Variants in MTMR3 observed in about 807,000 individuals in gnomAD.
The protein encoded by MTMR3 is phosphatidylinositol-3,5-bisphosphate 3-phosphatase MTMR3.
In MTMR3, 32 loss-of-function variants were observed where a neutral mutation model predicts 132.4. The observed-to-expected ratio is 0.24, with a 90% CI of 0.18 to 0.32. The LOEUF (loss-of-function observed/expected upper bound fraction) is 0.32, where lower values mean the gene tolerates loss of function less well. Ranked by LOEUF, MTMR3 falls within the 10% of genes least tolerant of loss-of-function variation. The pLI is 1.00. For missense variants in MTMR3, 1,216 were observed against 1,489.6 expected (o/e 0.82, Z 3.02); for synonymous variants, 556 against 550.3 (o/e 1.01, Z -0.14).
At chr22:29,969,278 G>C (rs919224657) in intron 2 of MTMR3, among the ~76,000 whole-genome samples, 1 of 152,100 alleles carries the variant, frequency 6.6e-6, no homozygotes, top group Non-Finnish European at 1.5e-5. Context: ...CCTTGCTTCC[G>C]GTTGCTGACA....
chr22:29,944,333 T>C (rs2065914716), intron 1 of MTMR3, among the ~76,000 whole-genome samples: 1 of 152,010 alleles, frequency 6.6e-6, no homozygotes, highest in African/African-American at 2.4e-5. Flanking sequence ...CAAGAACTTG[T>C]CATTGTCCTA....
intron 5 of MTMR3, chr22:29,986,720 A>G (rs1369550667): frequency 4.9e-6 from 2 of 405,370 alleles, no homozygotes; most frequent in East Asian, 1.6e-4. Context: ...CTGGTGTGCA[A>G]TGACACGATC....
chr22:29,966,726 CGTGTGTGTGTGTGTGTGT>C (rs55960706), intron 2 of MTMR3, among the ~76,000 whole-genome samples: 178 of 142,936 alleles, frequency 1.2e-3, no homozygotes, highest in African/African-American at 2.0e-3. Context: ...TAGGGGTGTG[CGTGTGTGTGTGTGTGTGT>C]GTGTGTGTGT....
chr22:29,916,185 A>G (rs1433230999), intron 1 of MTMR3, among the ~76,000 whole-genome samples: 1 of 152,158 alleles, frequency 6.6e-6, no homozygotes, highest in Non-Finnish European at 1.5e-5. Flanking sequence ...AGCTGTGTTT[A>G]TAAAGGTTTC....
chr22:30,017,657 A>G, intron 15 of MTMR3: 3 of 377,624 alleles, frequency 7.9e-6, no homozygotes, highest in Non-Finnish European at 1.4e-5. Context: ...TGACCTAAGA[A>G]ATAACTATAA....
At chr22:29,907,205 C>A (rs945240966) in intron 1 of MTMR3, among the ~76,000 whole-genome samples, 2 of 151,946 alleles carry the variant, frequency 1.3e-5, no homozygotes, top group Admixed American at 1.3e-4. Flanking sequence ...TCGAGACCAT[C>A]CTGGCTAACA....
chr22:29,960,500 T>C (rs2066289504), intron 2 of MTMR3, among the ~76,000 whole-genome samples: 1 of 152,266 alleles, frequency 6.6e-6, no homozygotes, highest in South Asian at 2.1e-4. Context: ...TGTTGGAAAC[T>C]GTCCTATCCA....
Position 29,960,502 on chromosome 22 carries a change from T to G in MTMR3, c.-85+3414T>G, listed in dbSNP as rs140940560. Among the ~76,000 whole-genome samples the G allele has an allele frequency of 3.2e-3, 486 of 152,354 alleles. 4 individuals carry two copies. The highest frequency in any genetic ancestry group is 0.01 in the African/African-American group (431 of 41,582). On this transcript the variant is annotated intron_variant, in intron 2 of 19. Coordinates refer to ENST00000401950, the MANE Select transcript of MTMR3 (RefSeq NM_021090.4). ...AAAAAGGAGACAGTGTTGGAAACTGTCCTATCCAAATTCTCTGTAATGAAA... is the reference window on the plus strand; with the variant it reads ...AAAAAGGAGACAGTGTTGGAAACTGGCCTATCCAAATTCTCTGTAATGAAA...
rs533415753 is a variant in MTMR3 at position 29,920,357 on chromosome 22, C to T, written c.-137-36679C>T. 3.3e-5 allele frequency among the ~76,000 whole-genome samples: 5 copies of T among 152,176 alleles called. No individual in the cohort carries two copies. The East Asian group carries it at 9.7e-4, about 29-fold the overall frequency. ...ATGCTAATTAAATGACTCATTTCTG[C>T]TAGTTAAACCATCTGTAATAGGCTA... On this transcript the variant is annotated intron_variant, in intron 1 of 19. Transcript: ENST00000401950.
At chr22:29,892,370 A>G (rs1284689240) in intron 1 of MTMR3, among the ~76,000 whole-genome samples, 9 of 152,256 alleles carry the variant, frequency 5.9e-5, no homozygotes, top group Middle Eastern at 6.8e-3. Flanking sequence ...TTTTTTGGAA[A>G]GCCGTTTGGC....
intron 19 of MTMR3, chr22:30,024,601 A>G (rs901880688): frequency 2.6e-5 from 4 of 152,180 alleles, no homozygotes; most frequent in Non-Finnish European, 5.9e-5. Flanking sequence ...TTAATCCAGC[A>G]GTGGGTTTGC....
In MTMR3 at chr22:29,998,840, C is replaced by T. The variant is rs767419263; in HGVS notation, c.540C>T (p.Asn180=). Residue 180 remains asparagine, a synonymous_variant, in exon 8 of 20, where the codon AAC becomes AAT. Coordinates refer to ENST00000401950, the MANE Select transcript of MTMR3 (RefSeq NM_021090.4). The part of the protein sequence containing the change: ...FDMNNAWRIS[N]INEKYKLCGS... The stretch of plus-strand genomic sequence containing the variant: ...TGAACAACGCCTGGAGGATTTCCAA[C>T]ATCAATGAGAAGTACAAGTGAGTTA... The T allele has an allele frequency of 6.8e-6, 11 of 1,610,208 alleles. No individual in the cohort carries two copies. Among genetic ancestry groups the T allele is most frequent in the South Asian group, 6.6e-5 (6 of 90,596 alleles).
chr22:30,021,857 C>T, intron 17 of MTMR3, 172 bp from the exon 18 acceptor site: 1 of 615,632 alleles, frequency 1.6e-6, no homozygotes. Flanking sequence ...TGAGCCCAGG[C>T]CCACACTGCA....
At chr22:30,002,562 T>G in intron 8 of MTMR3, 1 of 208,176 alleles carries the variant, frequency 4.8e-6, no homozygotes, top group South Asian at 1.1e-4. Context: ...GACCCTCGAC[T>G]CCCCTTTTTT....
intron 2 of MTMR3, 116 bp from the exon 3 acceptor site, chr22:29,970,860 C>T: frequency 2.2e-6 from 1 of 456,038 alleles, no homozygotes; most frequent in South Asian, 5.6e-5. Flanking sequence ...CTTCTTAGGC[C>T]TGTGTATATA....
chr22:29,952,473 A>C (rs115910709), intron 1 of MTMR3, among the ~76,000 whole-genome samples: 2 of 151,640 alleles, frequency 1.3e-5, no homozygotes, highest in African/African-American at 4.8e-5. Context: ...ACAGAATTTT[A>C]TATTTATATT....
At chr22:29,887,187 T>G (rs947653410) in intron 1 of MTMR3, among the ~76,000 whole-genome samples, 1 of 152,202 alleles carries the variant, frequency 6.6e-6, no homozygotes, top group Non-Finnish European at 1.5e-5. Flanking sequence ...AAATGAAAAT[T>G]GTAGCATGAA....
At chr22:29,992,183 C>G (rs1290639179) in intron 7 of MTMR3, 1 of 152,424 alleles carries the variant, frequency 6.6e-6, no homozygotes, top group Non-Finnish European at 1.5e-5. Flanking sequence ...TGGGTTCAAG[C>G]AATTCCCCTG....
intron 1 of MTMR3, among the ~76,000 whole-genome samples, chr22:29,899,420 A>G (rs1458196684): frequency 1.3e-5 from 2 of 152,212 alleles, no homozygotes; most frequent in African/African-American, 2.4e-5. Context: ...TTATTCTGTA[A>G]GTAGCAAATT....
Sources: gnomAD v4.1 joint callset for allele counts (sites outside exome capture counted in the v4.1 genomes callset) on GRCh38, gnomAD v4.1.1 for gene constraint, MANE v1.5 for transcripts, NCBI Gene and HGNC (gene_info 2026-07-23, HGNC 2026-07-21) for gene names.